Variants in CCL25 observed in about 807,000 individuals in gnomAD.
CCL25 encodes C-C motif chemokine ligand 25, also known as C-C motif chemokine 25.
Under a neutral mutation model 19.9 loss-of-function variants are expected in CCL25, and 14 were observed. That is an observed-to-expected ratio of 0.70 (90% confidence interval 0.47 to 1.10). CCL25 has a LOEUF of 1.10. Ranked by LOEUF, CCL25 falls within the 50% of genes least tolerant of loss-of-function variation. The pLI is 0.00. For missense variants in CCL25, 151 were observed against 181.2 expected, an observed-to-expected ratio of 0.83 and a Z score of 0.96; for synonymous variants, 68 against 73.2, an observed-to-expected ratio of 0.93 and a Z score of 0.36.
Position 8,053,067 on chromosome 19 carries a change from G to A in CCL25, c.18G>A (p.Leu6=). MNLWL[L]ACLVAGFLGA... The stretch of plus-strand genomic sequence containing the variant: ...CCTGCAGCATGAACCTGTGGCTCCT[G>A]GCCTGCCTGGTGGCCGGCTTCCTGG... Residue 6 remains leucine, a synonymous_variant, in exon 2 of 6, where the codon CTG becomes CTA. Transcript: ENST00000315626. The A allele has an allele frequency of 6.4e-7, 1 of 1,552,884 alleles. No homozygotes were observed. Among genetic ancestry groups the A allele is most frequent in the Non-Finnish European group, 8.7e-7 (1 of 1,148,448 alleles).
Position 8,052,993 on chromosome 19 carries a change from A to G in CCL25, c.-50-7A>G. ...TCAGTCCTTACCACTTCCCTCCACGACCCCAGGTGGCCCCGTTATTCGTCC... is the reference window on the plus strand; with the variant it reads ...TCAGTCCTTACCACTTCCCTCCACGGCCCCAGGTGGCCCCGTTATTCGTCC... On this transcript the variant is annotated splice_region_variant and splice_polypyrimidine_tract_variant and intron_variant, in intron 1 of 5. Transcript: ENST00000315626. 3.9e-6 allele frequency: 5 copies of G among 1,283,076 alleles called. No homozygotes were observed. Among genetic ancestry groups the G allele is most frequent in the Non-Finnish European group, 5.5e-6 (5 of 913,744 alleles). 79.5% of individuals were successfully genotyped at this position (1,283,076 alleles called of 1,614,324 possible).
At chr19:8,054,872 A>G (rs1361537107) in intron 2 of CCL25, among the ~76,000 whole-genome samples, 1 of 151,706 alleles carries the variant, frequency 6.6e-6, no homozygotes, top group Non-Finnish European at 1.5e-5. Context: ...TGTTTCATTG[A>G]GACAGAGTTT....
At chr19:8,056,116 A>C (rs1395944707) in intron 2 of CCL25, 36 bp from the exon 3 acceptor site, 2 of 1,398,334 alleles carry the variant, frequency 1.4e-6, no homozygotes, top group South Asian at 2.7e-5. Context: ...GTTAACATGC[A>C]AGGGTGCGAG....
intron 2 of CCL25, among the ~76,000 whole-genome samples, chr19:8,055,109 T>TG (rs1405938506): frequency 6.7e-6 from 1 of 150,370 alleles, no homozygotes; most frequent in Non-Finnish European, 1.5e-5. Context: ...GCCAACATGG[T>TG]GAAACCCCGT....
At position 8,061,619 on chromosome 19, in the gene CCL25, A is replaced by G. The variant is rs1189040135; in HGVS notation, c.446-599A>G. 2.0e-5 allele frequency among the ~76,000 whole-genome samples: 3 copies of G among 152,194 alleles called. No homozygotes were observed. The South Asian group carries it at 6.2e-4, about 31-fold the overall frequency. On this transcript the variant is annotated intron_variant, in intron 5 of 5. Transcript: ENST00000315626. ...GAAGCCAACCAAGAGTCACCTCATT[A>G]GAATAAAATATGTCCCCATTACCCA...
rs1438030810 is a variant in CCL25 at position 8,056,365 on chromosome 19, GA to G, written c.192del (p.Phe65SerfsTer23). 2.5e-6 allele frequency: 4 copies of G among 1,612,978 alleles called. No homozygotes were observed. Among genetic ancestry groups the G allele is most frequent in the Non-Finnish European group, 3.4e-6 (4 of 1,179,540 alleles). On this transcript the variant is annotated frameshift_variant and splice_region_variant, in exon 4 of 6. Transcript: ENST00000315626. LOFTEE classifies it high-confidence loss of function. ...VSGSCNLPAAIFYLPKRHRKV... is the reference protein window; with the variant it reads ...VSGSCNLPAAXFYLPKRHRKV... ...TGGGCACCCCCCTCTGCTCACCACA[GA>G]TTCTACCTCCCCAAGAGACACAGGA...
intron 4 of CCL25, among the ~76,000 whole-genome samples, chr19:8,057,512 T>G (rs1428887071): frequency 6.6e-6 from 1 of 152,038 alleles, no homozygotes; most frequent in Non-Finnish European, 1.5e-5. Flanking sequence ...TATTTTCATT[T>G]TGCAGAGACA....
At chr19:8,057,770 C>T in intron 4 of CCL25, 31 bp from the exon 5 acceptor site, 1 of 1,595,480 alleles carries the variant, frequency 6.3e-7, no homozygotes. Flanking sequence ...GATGGCAGAG[C>T]TCTTGCTTAT....
chr19:8,055,183 G>A (rs2081260569), intron 2 of CCL25, among the ~76,000 whole-genome samples: 1 of 135,432 alleles, frequency 7.4e-6, no homozygotes, highest in African/African-American at 2.7e-5. Flanking sequence ...CAGCTACTCG[G>A]GAGGCTGAGG....
intron 2 of CCL25, among the ~76,000 whole-genome samples, chr19:8,055,230 A>G (rs1244794506): frequency 8.2e-6 from 1 of 121,810 alleles, no homozygotes; most frequent in Non-Finnish European, 1.7e-5. Context: ...CAGAGGTTGC[A>G]GTGAGCTGAA....
chr19:8,057,693 G>A, intron 4 of CCL25, 108 bp from the exon 5 acceptor site: 1 of 1,436,886 alleles, frequency 7.0e-7, no homozygotes, highest in South Asian at 1.4e-5. Context: ...AAGCACATGG[G>A]AGACTCATTG....
chr19:8,055,512 T>A (rs2081264375), intron 2 of CCL25, among the ~76,000 whole-genome samples: 1 of 151,676 alleles, frequency 6.6e-6, no homozygotes, highest in South Asian at 2.1e-4. Flanking sequence ...ATTTTTATAT[T>A]TTTAGTAGAG....
intron 4 of CCL25, 119 bp downstream of exon 4, chr19:8,056,618 C>A (rs1040422758): frequency 2.2e-5 from 24 of 1,106,194 alleles, no homozygotes; most frequent in East Asian, 1.5e-4. Flanking sequence ...TGCCTGAACC[C>A]CAAACAAAGC....
At chr19:8,060,724 A>C (rs2081311915) in intron 5 of CCL25, among the ~76,000 whole-genome samples, 2 of 150,734 alleles carry the variant, frequency 1.3e-5, no homozygotes, top group African/African-American at 2.4e-5. Context: ...TCTGTCACCC[A>C]GGCTGGAGTG....
chr19:8,054,517 A>C (rs557668547), intron 2 of CCL25, among the ~76,000 whole-genome samples: 1 of 152,230 alleles, frequency 6.6e-6, no homozygotes, highest in East Asian at 1.9e-4. Context: ...TCTGGAGGTT[A>C]GTTCTGGCAG....
chr19:8,055,192 G>T (rs1444016430), intron 2 of CCL25, among the ~76,000 whole-genome samples: 1 of 133,736 alleles, frequency 7.5e-6, no homozygotes, highest in African/African-American at 2.7e-5. Context: ...GGGAGGCTGA[G>T]GCAGGAGAAT....
At chr19:8,062,116 G>C in intron 5 of CCL25, 102 bp from the exon 6 acceptor site, 1 of 1,136,452 alleles carries the variant, frequency 8.8e-7, no homozygotes, top group Non-Finnish European at 1.3e-6. Flanking sequence ...AATTCACAAG[G>C]GTTTTAGGAG....
At position 8,057,865 on chromosome 19, in the gene CCL25, C is replaced by T; in HGVS notation, c.390C>T (p.Ser130=). 6.2e-7 allele frequency: 1 copy of T among 1,613,538 alleles called. No homozygotes were observed. ...GNSKLSSSKF[S]NPISSSKRNV... ...CCAAGTTATCATCGTCCAAGTTTAG[C>T]AATCCCATCAGCAGCAGTAAGAGGA... Residue 130 remains serine, a synonymous_variant, in exon 5 of 6, where the codon AGC becomes AGT. Transcript: ENST00000315626.
intron 5 of CCL25, among the ~76,000 whole-genome samples, chr19:8,059,146 TATATAATATATATA>T (rs2081299908): frequency 6.9e-5 from 1 of 14,454 alleles, no homozygotes; most frequent in African/African-American, 2.0e-4. Context: ...TATTATATAA[TATATAATATATATA>T]ATATATAATA....
Sources: allele counts gnomAD v4.1 joint callset (sites outside exome capture counted in the v4.1 genomes callset), GRCh38; gene constraint gnomAD v4.1.1; transcripts MANE v1.5; gene names NCBI Gene and HGNC (gene_info 2026-07-23, HGNC 2026-07-21).